RPH3A: variants seen among roughly 807,000 people sequenced by gnomAD.
RPH3A encodes rabphilin 3A.
In RPH3A, 48 loss-of-function variants were observed where a neutral mutation model predicts 102.2. The ratio of observed to expected loss-of-function variants is 0.47; its 90% CI spans 0.37 to 0.60. The LOEUF (loss-of-function observed/expected upper bound fraction) is 0.60. Among genes scored for constraint, RPH3A ranks in the 20% least tolerant of loss-of-function variants. The pLI is 0.00. For synonymous variants in RPH3A, 310 were observed against 324.3 expected, an observed-to-expected ratio of 0.96 and a Z score of 0.47; for missense variants, 781 against 910.1, an observed-to-expected ratio of 0.86 and a Z score of 1.83.
chr12:112,588,056 C>G (rs2039450697), intron 1 of RPH3A, among the ~76,000 whole-genome samples: 1 of 152,200 alleles, frequency 6.6e-6, no homozygotes. Flanking sequence ...TGAGTGAATG[C>G]TTTCATTGAG....
chr12:112,656,784 G>A (rs955956200), intron 1 of RPH3A, among the ~76,000 whole-genome samples: 5 of 150,744 alleles, frequency 3.3e-5, no homozygotes, highest in African/African-American at 1.2e-4. Context: ...AGTATTCCAC[G>A]GTGTGTGTGT....
At chr12:112,672,030 A>G (rs2040135489) in intron 1 of RPH3A, among the ~76,000 whole-genome samples, 1 of 150,144 alleles carries the variant, frequency 6.7e-6, no homozygotes, top group Admixed American at 6.7e-5. Context: ...ACTTAAATAT[A>G]TATATATTTA....
intron 1 of RPH3A, among the ~76,000 whole-genome samples, chr12:112,610,024 TC>T (rs1403659422): frequency 6.6e-6 from 1 of 152,198 alleles, no homozygotes; most frequent in African/African-American, 2.4e-5. Flanking sequence ...GACGGAGTGA[TC>T]TGACCGTGCC....
intron 1 of RPH3A, among the ~76,000 whole-genome samples, chr12:112,691,478 A>AACATT (rs2136022517): frequency 6.6e-6 from 1 of 152,334 alleles, no homozygotes; most frequent in South Asian, 2.1e-4. Context: ...TTTACTTAAA[A>AACATT]ACATTATGAA....
At chr12:112,680,264 G>T (rs1297644869) in intron 1 of RPH3A, among the ~76,000 whole-genome samples, 1 of 152,142 alleles carries the variant, frequency 6.6e-6, no homozygotes, top group Non-Finnish European at 1.5e-5. Context: ...AACTGGCTTT[G>T]GGTCCCAAAA....
chr12:112,827,348 T>C (rs975624354), intron 2 of RPH3A, among the ~76,000 whole-genome samples: 1 of 152,222 alleles, frequency 6.6e-6, no homozygotes, highest in Non-Finnish European at 1.5e-5. Context: ...TAGCATCATG[T>C]TTTCGAGGTT....
chr12:112,896,699 G>C lies in RPH3A; in HGVS notation c.2004G>C (p.Trp668Cys), dbSNP rs967905395. The C allele has an allele frequency of 6.2e-7, 1 of 1,613,988 alleles. No individual in the cohort carries two copies. The highest frequency in any genetic ancestry group is 8.5e-7 in the Non-Finnish European group (1 of 1,180,018). ...CCAAGGGAGAGCGCTTAAAACACTG[G>C]TACGAGTGTCTGAAAAATAAAGACA... is the stretch of plus-strand genomic sequence containing the variant. ...ISAKGERLKH[W>C]YECLKNKDKK... Residue 668 changes from tryptophan (W) to cysteine (C), a missense_variant, in exon 22 of 22, where the codon TGG (tryptophan) becomes TGC (cysteine). By Grantham distance (215) the Trp-to-Cys change is radical. Around this residue, in one of 2 missense-constraint regions of RPH3A, gnomAD observed 51 missense variants for 100.1 expected, o/e 0.51. Coordinates refer to ENST00000389385, the MANE Select transcript of RPH3A (RefSeq NM_001143854.2).
intron 1 of RPH3A, among the ~76,000 whole-genome samples, chr12:112,640,986 G>C (rs2039885983): frequency 6.6e-6 from 1 of 152,104 alleles, no homozygotes; most frequent in African/African-American, 2.4e-5. Context: ...AAAATGGTTG[G>C]GTCACATTGA....
chr12:112,643,876 C>T (rs146526663), intron 1 of RPH3A, among the ~76,000 whole-genome samples: 12 of 152,314 alleles, frequency 7.9e-5, no homozygotes, highest in Non-Finnish European at 1.8e-4. Context: ...GTATGTTTAT[C>T]ACAGCACTAT....
chr12:112,762,477 T>C (rs1013185540), intron 1 of RPH3A, among the ~76,000 whole-genome samples: 14 of 152,314 alleles, frequency 9.2e-5, no homozygotes, highest in African/African-American at 2.9e-4. Flanking sequence ...TTCCTGCTTC[T>C]CCTTGCAAAC....
intron 7 of RPH3A, 51 bp from the exon 8 acceptor site, chr12:112,868,379 A>G: frequency 6.3e-7 from 1 of 1,590,438 alleles, no homozygotes; most frequent in East Asian, 2.3e-5. Context: ...TGAAGGTAAG[A>G]GCAACAGCGC....
In RPH3A at chr12:112,655,563, C is replaced by CTTT. The variant is rs71086113; in HGVS notation, c.-140+80269_-140+80271dup. 5.5e-3 allele frequency among the ~76,000 whole-genome samples: 308 copies of CTTT among 55,590 alleles called. 71 individuals are homozygous for CTTT. Among genetic ancestry groups the CTTT allele is most frequent in the African/African-American group, 0.018 (243 of 13,188 alleles). The allele number at this position is 55,590 out of a possible 152,430, so 36.5% of individuals were successfully genotyped here. On this transcript the variant is annotated intron_variant, in intron 1 of 21. Coordinates refer to the RPH3A transcript ENST00000543106. Reference sequence around the variant, plus strand: ...GGGCCCATCTCGAATTTTTGTTGGTCTTTTTTTTTTTTTTTTTTTTTTTTT... The same window carrying CTTT: ...GGGCCCATCTCGAATTTTTGTTGGTCTTTTTTTTTTTTTTTTTTTTTTTTTTTT...
At chr12:112,818,237 T>C (rs2041713701) in intron 2 of RPH3A, among the ~76,000 whole-genome samples, 1 of 149,180 alleles carries the variant, frequency 6.7e-6, no homozygotes, top group Non-Finnish European at 1.5e-5. Context: ...GAGGCAGAGC[T>C]TCAGTGAGCC....
chr12:112,765,546 T>C (rs532411986), intron 1 of RPH3A, among the ~76,000 whole-genome samples: 18 of 152,294 alleles, frequency 1.2e-4, no homozygotes, highest in Admixed American at 2.0e-4. Flanking sequence ...TATTACATTG[T>C]GGTCTTGCAT....
chr12:112,739,752 C>T (rs2040695156), intron 1 of RPH3A, among the ~76,000 whole-genome samples: 1 of 152,210 alleles, frequency 6.6e-6, no homozygotes, highest in Non-Finnish European at 1.5e-5. Context: ...ACTTCTTTGT[C>T]ACTTGGCTTC....
chr12:112,764,507 T>G (rs1302213965), intron 1 of RPH3A, among the ~76,000 whole-genome samples: 2 of 152,222 alleles, frequency 1.3e-5, no homozygotes, highest in Non-Finnish European at 2.9e-5. Context: ...TCTGGATTAA[T>G]GTAGATTCTT....
At chr12:112,696,910 T>C (rs912091151) in intron 1 of RPH3A, among the ~76,000 whole-genome samples, 2 of 151,702 alleles carry the variant, frequency 1.3e-5, no homozygotes, top group Non-Finnish European at 2.9e-5. Flanking sequence ...TTTTCTTTTT[T>C]CTTTCTTTTT....
rs183030298 is a variant in RPH3A at position 112,896,818 on chromosome 12, C to A, written c.*38C>A. The A allele has an allele frequency of 5.0e-6, 8 of 1,611,376 alleles. No individual in the cohort carries two copies. In the East Asian group the frequency reaches 1.3e-4, roughly 27 times the overall value. On this transcript the variant is annotated 3_prime_UTR_variant, in exon 22 of 22. Transcript: ENST00000389385. Reference sequence around the variant, plus strand: ...GTCCCCATCTCCATGTCCCGGGTCCCCCCCAGCCTGCTCTAGCTGCCCACC... The same window carrying A: ...GTCCCCATCTCCATGTCCCGGGTCCACCCCAGCCTGCTCTAGCTGCCCACC...
intron 1 of RPH3A, among the ~76,000 whole-genome samples, chr12:112,583,346 C>G (rs2039413814): frequency 6.6e-6 from 1 of 152,190 alleles, no homozygotes; most frequent in Non-Finnish European, 1.5e-5. Flanking sequence ...GAAACTGAGG[C>G]ACAGAAAAGT....
Sources: allele counts gnomAD v4.1 joint callset (sites outside exome capture counted in the v4.1 genomes callset), GRCh38; gene constraint gnomAD v4.1.1; regional missense constraint gnomAD v4.1.1; transcripts MANE v1.5; gene names NCBI Gene and HGNC (gene_info 2026-07-23, HGNC 2026-07-21).